Variants in CCBE1 observed in about 807,000 individuals in gnomAD.
CCBE1 encodes the protein collagen and calcium binding EGF domains 1.
Under a neutral mutation model 50.0 loss-of-function variants are expected in CCBE1, and 37 were observed. That is an observed-to-expected ratio of 0.74 (90% CI 0.57 to 0.97). The LOEUF (loss-of-function observed/expected upper bound fraction) is 0.97. Among genes scored for constraint, CCBE1 ranks in the 50% least tolerant of loss-of-function variants. CCBE1 has a pLI of 0.00. For missense variants in CCBE1, 538 were observed against 523.8 expected (o/e 1.03, Z -0.26); for synonymous variants, 234 against 203.7 (o/e 1.15, Z -1.27).
At chr18:59,635,421 T>C (rs1478447495) in intron 2 of CCBE1, among the ~76,000 whole-genome samples, 3 of 151,350 alleles carry the variant, frequency 2.0e-5, no homozygotes, top group Non-Finnish European at 4.4e-5. Context: ...AAAACTGAAA[T>C]AAGGAAAAAC....
At chr18:59,476,214 T>C (rs1045034764) in intron 3 of CCBE1, among the ~76,000 whole-genome samples, 9 of 152,164 alleles carry the variant, frequency 5.9e-5, no homozygotes, top group Non-Finnish European at 1.3e-4. Context: ...TTTATGAAGA[T>C]TAAATTGGAT....
At chr18:59,478,502 C>T (rs1912418451) in intron 3 of CCBE1, among the ~76,000 whole-genome samples, 1 of 152,156 alleles carries the variant, frequency 6.6e-6, no homozygotes, top group South Asian at 2.1e-4. Context: ...AGATAATTAG[C>T]TCTGGCAAAA....
intron 2 of CCBE1, among the ~76,000 whole-genome samples, chr18:59,585,980 G>C (rs1267241327): frequency 2.6e-5 from 4 of 152,200 alleles, no homozygotes; most frequent in Admixed American, 2.0e-4. Flanking sequence ...TTGCTACAAA[G>C]TTCAGATCAA....
chr18:59,469,492 C>T lies in CCBE1; in HGVS notation c.381G>A (p.Arg127=), dbSNP rs1911918236. Residue 127 remains arginine (R), a synonymous_variant, in exon 4 of 11, where the codon CGG becomes CGA. Coordinates refer to ENST00000439986, the MANE Select transcript of CCBE1 (RefSeq NM_133459.4). The part of the protein sequence containing the change: ...YRYDRERHRK[R]EKPYCLDIDE... Reference sequence around the variant, plus strand: ...ACACACCCAGACAGTATGGCTTCTCCCGCTTCCGGTGTCTCTCCCGGTCAT... The same window carrying T: ...ACACACCCAGACAGTATGGCTTCTCTCGCTTCCGGTGTCTCTCCCGGTCAT... The T allele has an allele frequency of 6.2e-7, 1 of 1,614,222 alleles. No individual in the cohort carries two copies. The highest frequency in any genetic ancestry group is 2.2e-5 in the East Asian group (1 of 44,882).
intron 2 of CCBE1, among the ~76,000 whole-genome samples, chr18:59,639,221 G>A (rs954569545): frequency 2.6e-5 from 4 of 152,116 alleles, no homozygotes; most frequent in African/African-American, 9.7e-5. Context: ...AGTGGGCCTT[G>A]ATCACAACCC....
chr18:59,534,786 C>G (rs996076447), intron 2 of CCBE1, among the ~76,000 whole-genome samples: 4 of 152,160 alleles, frequency 2.6e-5, no homozygotes, highest in Non-Finnish European at 4.4e-5. Context: ...TCTAGAGCTG[C>G]GTAGCCTGGA....
rs919344676 is a variant in CCBE1, at chr18:59,574,644, G to T, written c.213-94406C>A. The stretch of plus-strand genomic sequence containing the variant: ...AGAAATAAAAAATGTGCTGGTTAAT[G>T]TAACTTTCATGAAGCAGATTTGCAG... On this transcript the variant is annotated intron_variant, in intron 2 of 10. Coordinates refer to ENST00000439986, the MANE Select transcript of CCBE1 (RefSeq NM_133459.4). 1.7e-4 allele frequency among the ~76,000 whole-genome samples: 26 copies of T among 152,196 alleles called. 1 individual carries two copies. The highest frequency in any genetic ancestry group is 2.6e-4 in the Admixed American group (4 of 15,274).
intron 2 of CCBE1, among the ~76,000 whole-genome samples, chr18:59,558,691 G>A (rs1267624631): frequency 2.0e-5 from 3 of 152,184 alleles, no homozygotes; most frequent in Non-Finnish European, 4.4e-5. Context: ...AGCCAAAGCT[G>A]TCCATCTTGC....
intron 2 of CCBE1, among the ~76,000 whole-genome samples, chr18:59,620,193 GC>G (rs2053693480): frequency 2.0e-5 from 3 of 152,194 alleles, no homozygotes; most frequent in Non-Finnish European, 4.4e-5. Flanking sequence ...CTCCTAGGTA[GC>G]CTAGAAGTTT....
chr18:59,696,079 A>G (rs1173248074), intron 2 of CCBE1, among the ~76,000 whole-genome samples: 3 of 152,116 alleles, frequency 2.0e-5, no homozygotes, highest in African/African-American at 7.2e-5. Flanking sequence ...ACAAATACCC[A>G]GGTGAATCTG....
chr18:59,602,310 C>G (rs966452699), intron 2 of CCBE1, among the ~76,000 whole-genome samples: 1 of 152,092 alleles, frequency 6.6e-6, no homozygotes, highest in African/African-American at 2.4e-5. Context: ...TGCCTTTCAA[C>G]AACCATATCA....
chr18:59,542,085 G>C (rs909313568), intron 2 of CCBE1, among the ~76,000 whole-genome samples: 1 of 150,578 alleles, frequency 6.6e-6, no homozygotes, highest in Non-Finnish European at 1.5e-5. Context: ...GAGGTGGGAG[G>C]ATCACCTGAG....
intron 4 of CCBE1, among the ~76,000 whole-genome samples, 155 bp downstream of exon 4, chr18:59,469,318 T>C (rs984101086): frequency 3.3e-5 from 5 of 152,194 alleles, no homozygotes; most frequent in Admixed American, 6.5e-5. Context: ...TTGGTTTTAG[T>C]AATTGTGATG....
intron 5 of CCBE1, among the ~76,000 whole-genome samples, chr18:59,461,963 A>T (rs1255628339): frequency 1.3e-5 from 2 of 151,928 alleles, no homozygotes; most frequent in Non-Finnish European, 2.9e-5. Context: ...TGAACTTCTG[A>T]CCTCAGGCGT....
At chr18:59,520,407 A>G (rs1238286933) in intron 2 of CCBE1, among the ~76,000 whole-genome samples, 1 of 152,190 alleles carries the variant, frequency 6.6e-6, no homozygotes, top group Non-Finnish European at 1.5e-5. Context: ...CCGTCAACAG[A>G]GATGAGTTCT....
At chr18:59,642,148 T>C (rs1293536690) in intron 2 of CCBE1, among the ~76,000 whole-genome samples, 1 of 151,800 alleles carries the variant, frequency 6.6e-6, no homozygotes, top group African/African-American at 2.4e-5. Flanking sequence ...CTGTAAAGAA[T>C]CAATGAATCA....
intron 2 of CCBE1, among the ~76,000 whole-genome samples, chr18:59,556,453 G>A (rs530635024): frequency 1.6e-4 from 24 of 152,210 alleles, no homozygotes; most frequent in Non-Finnish European, 2.8e-4. Context: ...ACTAATGAAC[G>A]CTCTGGGAGT....
intron 3 of CCBE1, among the ~76,000 whole-genome samples, chr18:59,472,805 G>A (rs539027751): frequency 6.6e-6 from 1 of 152,342 alleles, no homozygotes; most frequent in East Asian, 1.9e-4. Flanking sequence ...AAAGGAAAGA[G>A]GTTTAACTGA....
intron 2 of CCBE1, among the ~76,000 whole-genome samples, chr18:59,482,421 T>C (rs2143777913): frequency 6.6e-6 from 1 of 152,336 alleles, no homozygotes; most frequent in Middle Eastern, 3.4e-3. Context: ...GAAATACTGT[T>C]TGACTCAGCA....
Sources: gnomAD v4.1 joint callset for allele counts (sites outside exome capture counted in the v4.1 genomes callset) on GRCh38, gnomAD v4.1.1 for gene constraint, MANE v1.5 for transcripts, NCBI Gene and HGNC (gene_info 2026-07-23, HGNC 2026-07-21) for gene names.